MANSC4: variants seen among roughly 807,000 people sequenced by gnomAD.
MANSC4 encodes MANSC domain-containing protein 4.
In MANSC4, 11 loss-of-function variants were observed where a neutral mutation model predicts 11.4. The observed-to-expected ratio is 0.97, with a 90% CI of 0.61 to 1.60. The LOEUF is 1.60. Among genes scored for constraint, MANSC4 ranks in the 40% most tolerant of loss-of-function variants. The pLI, the probability that MANSC4 is intolerant of heterozygous loss-of-function variation, is 0.00. For synonymous variants in MANSC4, 123 were observed against 147.1 expected (o/e 0.84, Z 1.19); for missense variants, 354 against 404.6 (o/e 0.88, Z 1.07).
chr12:27,763,008 T>C lies in MANSC4; in HGVS notation c.753A>G (p.Gly251=), dbSNP rs1565475425. The C allele has an allele frequency of 6.4e-7, 1 of 1,551,730 alleles. No homozygotes were observed. The highest frequency in any genetic ancestry group is 2.4e-5 in the East Asian group (1 of 40,920). ...TKLSHMPVPP[G]LNSSKQLLNK... Reference sequence around the variant, plus strand: ...TTAGTAATTGTTTGCTACTGTTGAGTCCAGGTGGAACAGGCATATGAGAAA... The same window carrying C: ...TTAGTAATTGTTTGCTACTGTTGAGCCCAGGTGGAACAGGCATATGAGAAA... The change falls in exon 4 of 4, where the codon GGA becomes GGG. Residue 251 remains glycine (G), a synonymous_variant. Coordinates refer to ENST00000381273, the MANE Select transcript of MANSC4 (RefSeq NM_001146221.5).
chr12:27,770,263 C>A (rs907521710), intron 2 of MANSC4, among the ~76,000 whole-genome samples: 1 of 152,128 alleles, frequency 6.6e-6, no homozygotes, highest in African/African-American at 2.4e-5. Flanking sequence ...TCACTGCAAC[C>A]TCTGCCTCCT....
chr12:27,770,003 C>T, intron 2 of MANSC4, among the ~76,000 whole-genome samples: 1 of 152,182 alleles, frequency 6.6e-6, no homozygotes, highest in Non-Finnish European at 1.5e-5. Flanking sequence ...CACGCAGATT[C>T]CATGTGACAG....
In MANSC4 at chr12:27,771,106, C is replaced by T; in HGVS notation, c.171G>A (p.Lys57=). 6.4e-7 allele frequency: 1 copy of T among 1,551,796 alleles called. No homozygotes were observed. Among genetic ancestry groups the T allele is most frequent in the Non-Finnish European group, 8.7e-7 (1 of 1,147,012 alleles). ...TCTGGCCAGTGCTTTCAGAATAATA[C>T]TTCAAGAACTGGGCTCCCAGCTTCT... is the stretch of plus-strand genomic sequence containing the variant. The part of the protein sequence containing the change: ...ESQKLGAQFL[K]YYSESTGQKC... The change falls in exon 2 of 4, where the codon AAG becomes AAA. Residue 57 remains lysine (K), a synonymous_variant. Transcript: ENST00000381273.
chr12:27,771,873 A>T (rs890429119), intron 1 of MANSC4, among the ~76,000 whole-genome samples: 1 of 151,994 alleles, frequency 6.6e-6, no homozygotes. Context: ...TTGGGTTTTC[A>T]TTCTTACTTA....
At position 27,763,259 on chromosome 12, in the gene MANSC4, G is replaced by A. The variant is rs376003656; in HGVS notation, c.502C>T (p.Leu168=). The change falls in exon 4 of 4, where the codon CTG becomes TTG. Residue 168 remains leucine, a synonymous_variant. Transcript: ENST00000381273. ...GAGGATGGAGCCTCTGTGGATGGCA[G>A]CATACCATTTATCGTGGTGGTTTGT... ...DKQTTTINGM[L]PSTEAPSSTT... is the part of the protein sequence containing the mutation. The A allele has an allele frequency of 8.8e-4, 1,371 of 1,551,576 alleles. 2 individuals carry two copies. Among genetic ancestry groups the A allele is most frequent in the Non-Finnish European group, 1.1e-3 (1,271 of 1,147,014 alleles).
intron 1 of MANSC4, among the ~76,000 whole-genome samples, chr12:27,772,501 A>C (rs1371872735): frequency 6.6e-6 from 1 of 152,244 alleles, no homozygotes; most frequent in African/African-American, 2.4e-5. Flanking sequence ...TATTTTTAGA[A>C]ACATGATAAT....
chr12:27,774,076 C>G (rs2062110173), intron 1 of MANSC4, among the ~76,000 whole-genome samples: 1 of 151,900 alleles, frequency 6.6e-6, no homozygotes. Context: ...TGAACCTGGG[C>G]AGCAGAGGTT....
chr12:27,771,392 G>T lies in MANSC4; in HGVS notation c.-116C>A. On this transcript the variant is annotated 5_prime_UTR_variant, in exon 2 of 4. Transcript: ENST00000381273. ...GGTGTTGTTAAGGGAGAGCTTCCTT[G>T]CAGCTTTTCTGGAGAGTCACTTTCT... The T allele has an allele frequency of 1.1e-6, 1 of 873,966 alleles. No individual in the cohort carries two copies. Among genetic ancestry groups the T allele is most frequent in the Non-Finnish European group, 1.7e-6 (1 of 579,196 alleles). 54.1% of individuals were successfully genotyped at this position (873,966 alleles called of 1,614,324 possible). A position where few individuals can be genotyped will look rare whatever the true frequency, so the allele number is the denominator to read the frequency against.
At chr12:27,770,722 T>C (rs1325053500) in intron 2 of MANSC4, among the ~76,000 whole-genome samples, 1 of 152,202 alleles carries the variant, frequency 6.6e-6, no homozygotes, top group Non-Finnish European at 1.5e-5. Flanking sequence ...TAAAATCATG[T>C]ATATTTTGAG....
chr12:27,763,124 T>C lies in MANSC4; in HGVS notation c.637A>G (p.Lys213Glu), dbSNP rs191703255. The change falls in exon 4 of 4, where the codon AAG becomes GAG. Residue 213 changes from lysine (K) to glutamate (E), a missense_variant. Transcript: ENST00000381273. ...FTSLNESITT[K>E]INKVSPSTDF... ...GTACTTGGTGACACCTTATTTATCTTTGTGGTAATGGACTCATTCAGGGAA... is the reference window on the plus strand; with the variant it reads ...GTACTTGGTGACACCTTATTTATCTCTGTGGTAATGGACTCATTCAGGGAA... The C allele has an allele frequency of 6.4e-7, 1 of 1,551,620 alleles. No individual in the cohort carries two copies. Among genetic ancestry groups the C allele is most frequent in the Non-Finnish European group, 8.7e-7 (1 of 1,147,018 alleles).
chr12:27,772,276 A>T (rs1023989374), intron 1 of MANSC4, among the ~76,000 whole-genome samples: 28 of 152,208 alleles, frequency 1.8e-4, no homozygotes, highest in African/African-American at 6.8e-4. Flanking sequence ...CCAATTTTAT[A>T]TGAAGCATTA....
chr12:27,775,011 G>T (rs891882932), intron 1 of MANSC4, among the ~76,000 whole-genome samples: 1 of 148,728 alleles, frequency 6.7e-6, no homozygotes, highest in Non-Finnish European at 1.5e-5. Flanking sequence ...GCGACAGAGC[G>T]AGATTCCGTC....
chr12:27,772,419 T>C (rs2062104605), intron 1 of MANSC4, among the ~76,000 whole-genome samples: 1 of 152,234 alleles, frequency 6.6e-6, no homozygotes, highest in African/African-American at 2.4e-5. Context: ...ACAAAAATCA[T>C]CAGCATTCTT....
chr12:27,763,964 C>T (rs2062060188), intron 3 of MANSC4, among the ~76,000 whole-genome samples: 3 of 152,086 alleles, frequency 2.0e-5, no homozygotes, highest in Admixed American at 1.3e-4. Context: ...AACTTGTGAG[C>T]TCAAGCGATC....
rs2062137754 is a variant in MANSC4 at position 27,780,082 on chromosome 12, C to T, written c.-307+128G>A. ...GCCCGGGAGAGCCCGCGCGAGGACG[C>T]CCGCCGCGCTCCGCCGGCCCTTTTT... is the stretch of plus-strand genomic sequence containing the variant. On this transcript the variant is annotated intron_variant, in intron 1 of 3. Transcript: ENST00000381273. The surrounding 1 kb of genome is among the most constrained non-coding windows in gnomAD (Gnocchi z 8.8). The T allele has an allele frequency of 1.2e-5, 2 of 165,866 alleles. No homozygotes were observed. Among genetic ancestry groups the T allele is most frequent in the Non-Finnish European group, 2.6e-5 (2 of 77,988 alleles). 10.3% of individuals were successfully genotyped at this position (165,866 alleles called of 1,614,324 possible).
At chr12:27,765,639 T>G (rs1205781482) in intron 3 of MANSC4, among the ~76,000 whole-genome samples, 1 of 152,232 alleles carries the variant, frequency 6.6e-6, no homozygotes, top group Non-Finnish European at 1.5e-5. Flanking sequence ...CACATATTTT[T>G]GTATTTAGTT....
At chr12:27,774,548 T>C (rs1018056237) in intron 1 of MANSC4, among the ~76,000 whole-genome samples, 1 of 152,200 alleles carries the variant, frequency 6.6e-6, no homozygotes, top group Non-Finnish European at 1.5e-5. Flanking sequence ...CTGGATATTG[T>C]TATTTAAAAA....
chr12:27,778,860 A>G (rs931959691), intron 1 of MANSC4, among the ~76,000 whole-genome samples: 1 of 152,320 alleles, frequency 6.6e-6, no homozygotes, highest in East Asian at 1.9e-4. Context: ...GTGAGAGAAC[A>G]TAGGAAACAA....
chr12:27,762,621 G>T lies in MANSC4; in HGVS notation c.*117C>A. Reference sequence around the variant, plus strand: ...CTGCCTTGGCTTCCCAAAGTTTTGGGATTACAGGCATGAACCACCACGCCC... The same window carrying T: ...CTGCCTTGGCTTCCCAAAGTTTTGGTATTACAGGCATGAACCACCACGCCC... On this transcript the variant is annotated 3_prime_UTR_variant, in exon 4 of 4. Coordinates refer to ENST00000381273, the MANE Select transcript of MANSC4 (RefSeq NM_001146221.5). 9.7e-7 allele frequency: 1 copy of T among 1,033,700 alleles called. No homozygotes were observed. Among genetic ancestry groups the T allele is most frequent in the Non-Finnish European group, 1.3e-6 (1 of 741,564 alleles). The allele number at this position is 1,033,700 out of a possible 1,614,324, so 64.0% of individuals were successfully genotyped here.
Sources: gnomAD v4.1 joint callset for allele counts (sites outside exome capture counted in the v4.1 genomes callset) on GRCh38, gnomAD v4.1.1 for gene constraint, Gnocchi (gnomAD v3.1) non-coding constraint, MANE v1.5 for transcripts, NCBI Gene and HGNC (gene_info 2026-07-23, HGNC 2026-07-21) for gene names.